Variants in THAP12 observed in about 807,000 individuals in gnomAD.
THAP12 encodes the protein 52 kDa repressor of the inhibitor of the protein kinase.
A neutral mutation model predicts 63.0 loss-of-function variants in THAP12; 20 were observed. The ratio of observed to expected loss-of-function variants is 0.32; its 90% CI spans 0.22 to 0.46. The LOEUF (loss-of-function observed/expected upper bound fraction) is 0.46, where lower values mean the gene tolerates loss of function less well. THAP12 is among the 20% of genes least tolerant of loss of function. The probability of loss-of-function intolerance (pLI) is 1.00; values close to 1 mark genes in which losing one functional copy is unlikely to be tolerated. For missense variants in THAP12, 568 were observed against 908.2 expected (o/e 0.63, Z 4.81); for synonymous variants, 264 against 328.4 (o/e 0.80, Z 2.12).
At chr11:76,357,042 C>CAAAAA (rs775697652) in intron 3 of THAP12, 1 of 102,896 alleles carries the variant, frequency 9.7e-6, no homozygotes, top group Non-Finnish European at 2.1e-5. Context: ...GACTCTGTCT[C>CAAAAA]AAAAAAAAAA....
At chr11:76,379,560 G>A (rs910172263) in intron 1 of THAP12, among the ~76,000 whole-genome samples, 2 of 152,122 alleles carry the variant, frequency 1.3e-5, no homozygotes, top group African/African-American at 4.8e-5. Flanking sequence ...TGCTGCCCAA[G>A]GTATCTCCAT....
chr11:76,380,364 CAT>C (rs1168710283), intron 1 of THAP12, among the ~76,000 whole-genome samples: 2 of 152,140 alleles, frequency 1.3e-5, no homozygotes, highest in Admixed American at 1.3e-4. Context: ...TGGCCACAAC[CAT>C]AGAGTCCTGC....
rs1946593177 is a variant in THAP12 at position 76,360,830 on chromosome 11, T to C, written c.318+126A>G. 3 of 683,452 alleles carry C rather than the reference T, an allele frequency of 4.4e-6. No homozygotes were observed. In the Admixed American group the frequency reaches 8.8e-5, roughly 20 times the overall value. The allele number at this position is 683,452 out of a possible 1,614,324, so 42.3% of individuals were successfully genotyped here. ...TCTAGGCTATTTAACAACCATAACA[T>C]TTATTTCCCGTTACATTACCTCTGA... is the stretch of plus-strand genomic sequence containing the variant. On this transcript the variant is annotated intron_variant, in intron 3 of 4. Transcript: ENST00000260045.
intron 1 of THAP12, among the ~76,000 whole-genome samples, chr11:76,379,939 T>C (rs1946739690): frequency 6.6e-6 from 1 of 152,206 alleles, no homozygotes; most frequent in Non-Finnish European, 1.5e-5. Context: ...CTGAGAGCTT[T>C]CTGCAAGCAG....
intron 1 of THAP12, among the ~76,000 whole-genome samples, chr11:76,371,617 T>C (rs543156805): frequency 2.0e-4 from 31 of 152,250 alleles, no homozygotes; most frequent in African/African-American, 7.5e-4. Context: ...ATCCTCTTTA[T>C]AGCAAAACTT....
At chr11:76,378,963 T>C (rs1946730407) in intron 1 of THAP12, among the ~76,000 whole-genome samples, 1 of 152,126 alleles carries the variant, frequency 6.6e-6, no homozygotes, top group Admixed American at 6.6e-5. Flanking sequence ...CTTCTAGTAT[T>C]CCTCTACCAA....
Position 76,351,672 on chromosome 11 carries a change from G to C in THAP12, c.1478C>G (p.Thr493Arg). The C allele has an allele frequency of 6.3e-7, 1 of 1,583,764 alleles. No individual in the cohort carries two copies. The highest frequency in any genetic ancestry group is 8.6e-7 in the Non-Finnish European group (1 of 1,166,126). Reference protein sequence around the residue: ...IVVLKNVLSFTRAFGKNLQGQ... With the variant: ...IVVLKNVLSFRRAFGKNLQGQ... ...CTGGAGGTTTTTCCCAAAGGCTCTT[G>C]TAAAAGATAGGACATTTTTAAGAAC... Residue 493 changes from threonine (T) to arginine (R), a missense_variant, in exon 5 of 5, where the codon ACA (threonine) becomes AGA (arginine). Coordinates refer to ENST00000260045, the MANE Select transcript of THAP12 (RefSeq NM_004705.4).
chr11:76,371,810 C>CTTTTTTTTTT (rs71036086), intron 1 of THAP12, among the ~76,000 whole-genome samples: 1 of 65,774 alleles, frequency 1.5e-5, no homozygotes, highest in East Asian at 3.9e-4. Context: ...TTTAACTTTT[C>CTTTTTTTTTT]TTTTTTTTTT....
chr11:76,361,352 T>C (rs1220994656), intron 2 of THAP12: 8 of 293,064 alleles, frequency 2.7e-5, no homozygotes, highest in South Asian at 4.7e-5. Flanking sequence ...CCAGCTACTT[T>C]ATCTGTACTG....
intron 2 of THAP12, among the ~76,000 whole-genome samples, chr11:76,362,298 C>T (rs1278642159): frequency 5.3e-5 from 8 of 152,160 alleles, no homozygotes; most frequent in Non-Finnish European, 1.2e-4. Context: ...AAGAACATGC[C>T]AAACAAAAAT....
chr11:76,357,705 T>C (rs556971280), intron 3 of THAP12: 1 of 152,248 alleles, frequency 6.6e-6, no homozygotes, highest in East Asian at 1.9e-4. Context: ...AAATTTAAAA[T>C]ATCATATAGC....
At chr11:76,378,955 T>C (rs1200315845) in intron 1 of THAP12, among the ~76,000 whole-genome samples, 1 of 152,062 alleles carries the variant, frequency 6.6e-6, no homozygotes, top group Non-Finnish European at 1.5e-5. Context: ...AACCCAAACT[T>C]CTAGTATTCC....
chr11:76,377,025 C>T lies in THAP12; in HGVS notation c.89+3723G>A, dbSNP rs1946716220. Among the ~76,000 whole-genome samples, 5 of 152,306 alleles carry T rather than the reference C, an allele frequency of 3.3e-5. No homozygotes were observed. The East Asian group carries it at 5.8e-4, about 18-fold the overall frequency. ...AACTGCTACTCCTCACTGTACTGAG[C>T]GAGTTCTTTCCCATGTCTCGGAACT... On this transcript the variant is annotated intron_variant, in intron 1 of 4. Transcript: ENST00000260045.
At chr11:76,378,795 G>A (rs1403271476) in intron 1 of THAP12, among the ~76,000 whole-genome samples, 1 of 152,010 alleles carries the variant, frequency 6.6e-6, no homozygotes, top group African/African-American at 2.4e-5. Flanking sequence ...TTTTAATAGA[G>A]ACAGGGTTTC....
At chr11:76,372,716 T>C (rs956191440) in intron 1 of THAP12, among the ~76,000 whole-genome samples, 50 of 152,170 alleles carry the variant, frequency 3.3e-4, no homozygotes, top group African/African-American at 1.1e-3. Flanking sequence ...GGAGACCTTG[T>C]CTCTATAAAA....
rs1332133408 is a variant in THAP12 at position 76,352,065 on chromosome 11, C to T, written c.1085G>A (p.Cys362Tyr). 1 of 1,611,862 alleles carries T rather than the reference C, an allele frequency of 6.2e-7. No homozygotes were observed. Among genetic ancestry groups the T allele is most frequent in the East Asian group, 2.2e-5 (1 of 44,876 alleles). The change falls in exon 5 of 5, where the codon TGT becomes TAT. Residue 362 changes from cysteine (C) to tyrosine (Y), a missense_variant. Transcript: ENST00000260045. ...PQAIYTLCSS[C>Y]ALNMWLAKSV... The stretch of plus-strand genomic sequence containing the variant: ...TTTTGCCAACCACATATTTAAGGCA[C>T]AGGAAGAGCAGAGTGTGTAGATAGC...
At chr11:76,375,038 G>GT (rs1946699379) in intron 1 of THAP12, among the ~76,000 whole-genome samples, 1 of 152,154 alleles carries the variant, frequency 6.6e-6, no homozygotes, top group South Asian at 2.1e-4. Flanking sequence ...AATTTCTGTT[G>GT]TTTAAAAATC....
chr11:76,367,356 G>GT (rs903704122), intron 1 of THAP12, among the ~76,000 whole-genome samples: 1 of 152,122 alleles, frequency 6.6e-6, no homozygotes, highest in Non-Finnish European at 1.5e-5. Context: ...GATTACAGGC[G>GT]TGAGCCACCG....
rs557454403 is a variant in THAP12 at position 76,350,959 on chromosome 11, G to A, written c.2191C>T (p.His731Tyr). 2 of 1,611,254 alleles carry A rather than the reference G, an allele frequency of 1.2e-6. No homozygotes were observed. The highest frequency in any genetic ancestry group is 1.7e-5 in the Admixed American group (1 of 59,904). ...GTGTCCACCATTAAATCCAGGTCGT[G>A]TTTTATATCAAAATTTATGTTAAGC... ...ALLNINFDIK[H>Y]DLDLMVDTYI... Residue 731 changes from histidine to tyrosine, a missense_variant, in exon 5 of 5, where the codon CAC becomes TAC. Transcript: ENST00000260045.
Sources: allele counts gnomAD v4.1 joint callset (sites outside exome capture counted in the v4.1 genomes callset), GRCh38; gene constraint gnomAD v4.1.1; transcripts MANE v1.5; gene names NCBI Gene and HGNC (gene_info 2026-07-23, HGNC 2026-07-21).